Variants in MCTP1 observed in about 807,000 individuals in gnomAD.
MCTP1 encodes the protein multiple C2 and transmembrane domain containing 1.
MCTP1 carries 69 observed loss-of-function variants against 120.6 expected under a neutral mutation model. That is an observed-to-expected ratio of 0.57 (90% CI 0.47 to 0.70). MCTP1 has a LOEUF of 0.70. MCTP1 is among the 30% of genes least tolerant of loss of function. The pLI is 0.00. For missense variants in MCTP1, 1,203 were observed against 1,248.8 expected (o/e 0.96, Z 0.55); for synonymous variants, 529 against 493.1 (o/e 1.07, Z -0.96).
intron 17 of MCTP1, among the ~76,000 whole-genome samples, chr5:94,838,656 T>A (rs1227069912): frequency 6.6e-6 from 1 of 152,218 alleles, no homozygotes; most frequent in Non-Finnish European, 1.5e-5. Flanking sequence ...TATTAGTAGA[T>A]CTGCTTCTTA....
intron 1 of MCTP1, among the ~76,000 whole-genome samples, chr5:95,113,128 G>A (rs1242267829): frequency 6.6e-6 from 1 of 151,978 alleles, no homozygotes; most frequent in African/African-American, 2.4e-5. Flanking sequence ...TTTGAACTGA[G>A]TACCATGCAC....
chr5:95,114,048 C>T (rs2152393522), intron 1 of MCTP1, among the ~76,000 whole-genome samples: 1 of 152,248 alleles, frequency 6.6e-6, no homozygotes, highest in Non-Finnish European at 1.5e-5. Context: ...CAGAAGAGAA[C>T]CTACAGGCTT....
At chr5:94,767,522 C>A (rs1000598590) in intron 19 of MCTP1, among the ~76,000 whole-genome samples, 4 of 152,018 alleles carry the variant, frequency 2.6e-5, no homozygotes, top group African/African-American at 4.8e-5. Flanking sequence ...CCTAAAGACA[C>A]CACAAAAAAA....
At chr5:95,081,582 C>T in intron 1 of MCTP1, 4 of 1,485,596 alleles carry the variant, frequency 2.7e-6, no homozygotes, top group Non-Finnish European at 3.6e-6. Context: ...GGCTGTTCAC[C>T]TCCAAGTGAT....
intron 1 of MCTP1, among the ~76,000 whole-genome samples, chr5:95,132,946 T>C (rs937394590): frequency 6.6e-6 from 1 of 152,222 alleles, no homozygotes; most frequent in African/African-American, 2.4e-5. Flanking sequence ...CATTCCTCCA[T>C]GCTGCACTCA....
intron 1 of MCTP1, among the ~76,000 whole-genome samples, chr5:95,213,083 T>G (rs1333915515): frequency 2.0e-5 from 3 of 152,164 alleles, no homozygotes; most frequent in Admixed American, 1.3e-4. Context: ...TGTCCCTGTT[T>G]GCAGATGACA....
intron 1 of MCTP1, among the ~76,000 whole-genome samples, chr5:95,151,771 C>T (rs1760916519): frequency 1.3e-5 from 2 of 152,190 alleles, no homozygotes; most frequent in Admixed American, 6.5e-5. Flanking sequence ...ATCCTTCTTT[C>T]CACAGGCCAG....
At chr5:94,733,103 G>C (rs1763440860) in intron 19 of MCTP1, among the ~76,000 whole-genome samples, 1 of 152,140 alleles carries the variant, frequency 6.6e-6, no homozygotes, top group Admixed American at 6.5e-5. Context: ...AGTTGTGTTA[G>C]AGAGTGTTAA....
intron 2 of MCTP1, among the ~76,000 whole-genome samples, chr5:94,958,938 G>A (rs1037704888): frequency 3.9e-5 from 6 of 152,174 alleles, no homozygotes; most frequent in Admixed American, 6.5e-5. Context: ...GCATCATCCT[G>A]ATACCAAAAC....
chr5:95,060,940 C>CA (rs34418928), intron 1 of MCTP1, among the ~76,000 whole-genome samples: 195 of 116,982 alleles, frequency 1.7e-3, no homozygotes, highest in African/African-American at 4.9e-3. Flanking sequence ...TGCCACTCCA[C>CA]AAAAAAAAAA....
At chr5:95,190,124 T>C (rs550362682) in intron 1 of MCTP1, among the ~76,000 whole-genome samples, 1 of 152,172 alleles carries the variant, frequency 6.6e-6, no homozygotes, top group Admixed American at 6.5e-5. Context: ...AGCAAAATAA[T>C]GTGTTTCTAA....
intron 8 of MCTP1, among the ~76,000 whole-genome samples, chr5:94,917,322 G>A (rs1486424333): frequency 1.3e-5 from 2 of 152,034 alleles, no homozygotes; most frequent in East Asian, 3.8e-4. Context: ...CTCTTCTTGA[G>A]GAGGACAAGA....
At chr5:95,198,060 T>C (rs1271891899) in intron 1 of MCTP1, among the ~76,000 whole-genome samples, 6 of 152,138 alleles carry the variant, frequency 3.9e-5, no homozygotes. Context: ...TCCATGGCTC[T>C]TTGATTTCAC....
chr5:94,895,677 TCTTATTC>T (rs1248172876), intron 10 of MCTP1, among the ~76,000 whole-genome samples: 6 of 152,232 alleles, frequency 3.9e-5, no homozygotes, highest in African/African-American at 1.4e-4. Flanking sequence ...TCTTGCTCTT[TCTTATTC>T]CTCACTCTAT....
In MCTP1 at chr5:95,138,240, C is replaced by A. The variant is rs557313899; in HGVS notation, c.721-120756G>T. Among the ~76,000 whole-genome samples, 12 of 150,912 alleles carry A rather than the reference C, an allele frequency of 8.0e-5. 1 individual carries two copies. The highest frequency in any genetic ancestry group is 5.9e-4 in the Admixed American group (9 of 15,194). The stretch of plus-strand genomic sequence containing the variant: ...ACTTTCCTGTGAGATGCAACCCCCC[C>A]CCGACATTAAAATAATATGTGTTTT... On this transcript the variant is annotated intron_variant, in intron 1 of 22. Coordinates refer to ENST00000515393, the MANE Select transcript of MCTP1 (RefSeq NM_024717.7).
At chr5:95,164,599 G>A (rs1245997206) in intron 1 of MCTP1, among the ~76,000 whole-genome samples, 1 of 151,968 alleles carries the variant, frequency 6.6e-6, no homozygotes, top group African/African-American at 2.4e-5. Context: ...ATAAGTTTTA[G>A]TATAATAATA....
intron 17 of MCTP1, among the ~76,000 whole-genome samples, chr5:94,813,894 T>A (rs937753874): frequency 2.6e-5 from 4 of 152,112 alleles, no homozygotes; most frequent in African/African-American, 9.7e-5. Context: ...ACATTCTACA[T>A]CATGAACTCA....
At chr5:95,168,921 C>T (rs1352943148) in intron 1 of MCTP1, among the ~76,000 whole-genome samples, 2 of 152,100 alleles carry the variant, frequency 1.3e-5, no homozygotes, top group African/African-American at 2.4e-5. Flanking sequence ...CTGGCCAGAA[C>T]TTCCAACACT....
chr5:94,882,764 G>A (rs946453574), intron 12 of MCTP1, among the ~76,000 whole-genome samples: 2 of 152,008 alleles, frequency 1.3e-5, no homozygotes, highest in African/African-American at 4.8e-5. Context: ...CACTTTCTCA[G>A]CCCATAGTCC....
Sources: allele counts gnomAD v4.1 joint callset (sites outside exome capture counted in the v4.1 genomes callset), GRCh38; gene constraint gnomAD v4.1.1; transcripts MANE v1.5; gene names NCBI Gene and HGNC (gene_info 2026-07-23, HGNC 2026-07-21).